Variants in ACYP2 observed in about 807,000 individuals in gnomAD.
The protein encoded by ACYP2 is acylphosphatase-2.
Under a neutral mutation model 11.2 loss-of-function variants are expected in ACYP2, and 12 were observed. The observed-to-expected ratio is 1.08, with a 90% CI of 0.69 to 1.74. The LOEUF is 1.74. Ranked by LOEUF, ACYP2 falls within the 40% of genes most tolerant of loss-of-function variation. ACYP2 has a pLI of 0.00. For missense variants in ACYP2, 134 were observed against 101.9 expected (o/e 1.31, Z -1.35); for synonymous variants, 43 against 32.2 (o/e 1.33, Z -1.13).
intron 6 of ACYP2, among the ~76,000 whole-genome samples, chr2:54,177,256 T>A (rs1683500880): frequency 6.6e-6 from 1 of 152,096 alleles, no homozygotes. Flanking sequence ...GGAGATCAGA[T>A]GGTGGGAGGA....
intron 6 of ACYP2, among the ~76,000 whole-genome samples, chr2:54,168,547 T>C (rs1208064690): frequency 6.6e-6 from 1 of 152,126 alleles, no homozygotes; most frequent in Non-Finnish European, 1.5e-5. Context: ...TAAAAAGTAA[T>C]TGGATATTAC....
intron 2 of ACYP2, among the ~76,000 whole-genome samples, chr2:54,013,735 A>C (rs1673524080): frequency 6.9e-6 from 1 of 144,622 alleles, no homozygotes; most frequent in Non-Finnish European, 1.5e-5. Context: ...AAAAGAAAAA[A>C]AAAAAAAAGA....
intron 4 of ACYP2, among the ~76,000 whole-genome samples, chr2:54,116,343 T>A (rs1217919622): frequency 6.6e-6 from 1 of 152,202 alleles, no homozygotes; most frequent in Non-Finnish European, 1.5e-5. Flanking sequence ...CTCTGAGATT[T>A]ATGCAATGGA....
chr2:54,034,012 G>C (rs1053314615), intron 2 of ACYP2, among the ~76,000 whole-genome samples: 1 of 152,178 alleles, frequency 6.6e-6, no homozygotes. Context: ...AAATATAATA[G>C]TGGTTCCATA....
chr2:54,201,623 TGTTTCTTTCTTTC>T (rs1684793712), intron 6 of ACYP2, among the ~76,000 whole-genome samples: 1 of 99,740 alleles, frequency 1.0e-5, no homozygotes, highest in African/African-American at 4.0e-5. Context: ...TTTCTTTCTT[TGTTTCTTTCTTTC>T]TCTTTCTTTC....
At chr2:54,023,578 A>C (rs547853190) in intron 2 of ACYP2, among the ~76,000 whole-genome samples, 48 of 152,306 alleles carry the variant, frequency 3.2e-4, no homozygotes, top group Non-Finnish European at 1.5e-5. Context: ...ATAGTATTGC[A>C]TTGTGACTTG....
chr2:54,068,182 G>C (rs540855668), intron 4 of ACYP2, among the ~76,000 whole-genome samples: 116 of 152,330 alleles, frequency 7.6e-4, no homozygotes, highest in African/African-American at 2.7e-3. Context: ...TCCCAGGAGA[G>C]AAGGGATGAC....
At chr2:54,227,481 T>C (rs1248191129) in intron 6 of ACYP2, among the ~76,000 whole-genome samples, 1 of 151,866 alleles carries the variant, frequency 6.6e-6, no homozygotes, top group African/African-American at 2.4e-5. Context: ...TCTACTAAAA[T>C]ACAAAAAATT....
intron 6 of ACYP2, among the ~76,000 whole-genome samples, chr2:54,274,143 G>A (rs1001559601): frequency 6.6e-6 from 1 of 152,194 alleles, no homozygotes; most frequent in Non-Finnish European, 1.5e-5. Context: ...CATAATTATG[G>A]TGGAAGGCAA....
chr2:54,209,240 C>G (rs1685224625), intron 6 of ACYP2, among the ~76,000 whole-genome samples: 1 of 152,076 alleles, frequency 6.6e-6, no homozygotes, highest in Non-Finnish European at 1.5e-5. Context: ...TACTGCTTAT[C>G]TTAATTCCAT....
rs956775809 is a variant in ACYP2, at chr2:54,051,445, A to C, written c.155+395A>C. ...AGAAATGAAAATCTATATCCCTCCT[A>C]AACGGGTGACAAAAAAGAAGTTTGA... On this transcript the variant is annotated intron_variant, in intron 3 of 6. Coordinates refer to ENST00000607452, the MANE Select transcript of ACYP2 (RefSeq NM_001320586.2). 7.1e-5 allele frequency: 50 copies of C among 704,788 alleles called. No homozygotes were observed. The African/African-American group carries it at 7.8e-4, about 11-fold the overall frequency. 43.7% of individuals were successfully genotyped at this position (704,788 alleles called of 1,614,324 possible).
chr2:54,161,826 T>C (rs1332337280), intron 6 of ACYP2, among the ~76,000 whole-genome samples: 1 of 152,200 alleles, frequency 6.6e-6, no homozygotes, highest in Non-Finnish European at 1.5e-5. Flanking sequence ...GAGAGTGCTT[T>C]GTTATTTGTG....
chr2:54,161,245 C>T (rs187171755), intron 6 of ACYP2, among the ~76,000 whole-genome samples: 44 of 152,298 alleles, frequency 2.9e-4, no homozygotes. Flanking sequence ...ACCTGGGGAG[C>T]TTTTACATGG....
At chr2:54,041,161 G>A (rs1675202494) in intron 2 of ACYP2, among the ~76,000 whole-genome samples, 1 of 151,628 alleles carries the variant, frequency 6.6e-6, no homozygotes, top group Non-Finnish European at 1.5e-5. Flanking sequence ...TGCCCAGGCT[G>A]GTGTTGAACT....
At chr2:54,093,578 T>C (rs1283081466) in intron 4 of ACYP2, among the ~76,000 whole-genome samples, 1 of 152,220 alleles carries the variant, frequency 6.6e-6, no homozygotes, top group East Asian at 1.9e-4. Flanking sequence ...TGTGTCTGGG[T>C]ACAGGTCACT....
chr2:54,130,062 TA>T (rs1185184213), intron 4 of ACYP2, among the ~76,000 whole-genome samples: 13 of 152,142 alleles, frequency 8.5e-5, no homozygotes, highest in Non-Finnish European at 1.6e-4. Context: ...GACACAGTGG[TA>T]AGTAAACAAG....
At position 54,154,118 on chromosome 2, in the gene ACYP2, A is replaced by C. The variant is rs190171052; in HGVS notation, c.404+15370A>C. On this transcript the variant is annotated intron_variant, in intron 6 of 6. Transcript: ENST00000607452. ...ATATTTCTTTAGATAGTCTGTTGCT[A>C]GTGTATAGGAATGCTACTGATTTTT... Among the ~76,000 whole-genome samples, 11 of 151,686 alleles carry C rather than the reference A, an allele frequency of 7.3e-5. No homozygotes were observed. The East Asian group carries it at 1.9e-3, about 27-fold the overall frequency.
intron 4 of ACYP2, among the ~76,000 whole-genome samples, chr2:54,061,909 A>C (rs1365762160): frequency 6.6e-6 from 1 of 152,198 alleles, no homozygotes; most frequent in Non-Finnish European, 1.5e-5. Flanking sequence ...CCCTGCCTCT[A>C]TAAAAAATAA....
chr2:53,979,876 G>C (rs1187506071), intron 2 of ACYP2, among the ~76,000 whole-genome samples: 1 of 151,722 alleles, frequency 6.6e-6, no homozygotes, highest in Non-Finnish European at 1.5e-5. Context: ...ATTTTTAGTA[G>C]AGACAAGGTT....
Sources: gnomAD v4.1 joint callset for allele counts (sites outside exome capture counted in the v4.1 genomes callset) on GRCh38, gnomAD v4.1.1 for gene constraint, MANE v1.5 for transcripts, NCBI Gene and HGNC (gene_info 2026-07-23, HGNC 2026-07-21) for gene names.